DACH2: variants seen among roughly 807,000 people sequenced by gnomAD.
The protein encoded by DACH2 is dachshund family transcription factor 2.
In DACH2, 17 loss-of-function variants were observed where a neutral mutation model predicts 35.8. The observed-to-expected ratio is 0.48, with a 90% CI of 0.33 to 0.71. The LOEUF is 0.71. Ranked by LOEUF, DACH2 falls within the 30% of genes least tolerant of loss-of-function variation. The pLI is 0.02. For missense variants in DACH2, 469 were observed against 472.7 expected (o/e 0.99, Z 0.07); for synonymous variants, 195 against 177.3 (o/e 1.10, Z -0.79).
intron 2 of DACH2, among the ~76,000 whole-genome samples, chrX:86,477,847 A>G (rs2037872202): frequency 9.1e-6 from 1 of 110,172 alleles, no homozygotes; most frequent in Admixed American, 9.7e-5. Context: ...ATGTTTTTAA[A>G]TTTCAGGTAA....
chrX:86,533,708 A>G (rs1275792450), intron 3 of DACH2, among the ~76,000 whole-genome samples: 1 of 112,190 alleles, frequency 8.9e-6, no homozygotes. Context: ...TCCCCAATTT[A>G]TTAGGAGTAC....
intron 1 of DACH2, among the ~76,000 whole-genome samples, chrX:86,339,624 A>G (rs1455583960): frequency 9.0e-6 from 1 of 111,622 alleles, no homozygotes; most frequent in Non-Finnish European, 1.9e-5. Context: ...CACATAGCTA[A>G]TAAGTGGTGG....
intron 1 of DACH2, among the ~76,000 whole-genome samples, chrX:86,343,652 G>A (rs2035449890): frequency 8.9e-6 from 1 of 111,800 alleles, no homozygotes; most frequent in African/African-American, 3.2e-5. Context: ...ACCCATTAGG[G>A]TTTGAACTTA....
chrX:86,796,244 C>T (rs1343754816), intron 7 of DACH2, among the ~76,000 whole-genome samples: 1 of 111,449 alleles, frequency 9.0e-6, no homozygotes, highest in Non-Finnish European at 1.9e-5. Context: ...CTGATTGGTG[C>T]GTTTACAAAC....
At chrX:86,694,924 G>A in intron 4 of DACH2, 97 bp from the exon 5 acceptor site, 1 of 587,363 alleles carries the variant, frequency 1.7e-6, no homozygotes, top group East Asian at 4.3e-5. Flanking sequence ...AATTTCCTAA[G>A]AGGTAGTATT....
chrX:86,405,495 C>A (rs953336204), intron 2 of DACH2, among the ~76,000 whole-genome samples: 30 of 111,612 alleles, frequency 2.7e-4, no homozygotes, highest in African/African-American at 8.8e-4. Flanking sequence ...TCAGCCTGAA[C>A]CTTATTGTGC....
At chrX:86,466,618 TA>T (rs1344101086) in intron 2 of DACH2, among the ~76,000 whole-genome samples, 2 of 111,933 alleles carry the variant, frequency 1.8e-5, no homozygotes, top group East Asian at 5.6e-4. Context: ...GCCTGTAAAA[TA>T]AAAAGTAAGC....
At chrX:86,257,899 A>C (rs1396378760) in intron 1 of DACH2, among the ~76,000 whole-genome samples, 1 of 111,713 alleles carries the variant, frequency 9.0e-6, no homozygotes, top group East Asian at 2.8e-4. Flanking sequence ...GGATGGTGGA[A>C]TTTGCTCTAG....
intron 6 of DACH2, among the ~76,000 whole-genome samples, chrX:86,716,404 C>T (rs185527955): frequency 2.2e-4 from 24 of 111,511 alleles, no homozygotes; most frequent in Non-Finnish European, 4.1e-4. Context: ...TATTAAAAAG[C>T]AAACCTGGGA....
At chrX:86,584,582 A>C (rs2039544777) in intron 3 of DACH2, among the ~76,000 whole-genome samples, 1 of 111,182 alleles carries the variant, frequency 9.0e-6, no homozygotes, top group Admixed American at 9.6e-5. Context: ...TTATAATATA[A>C]GCACTTAATG....
intron 3 of DACH2, among the ~76,000 whole-genome samples, chrX:86,593,404 TTTTA>T: frequency 1.9e-5 from 1 of 52,717 alleles, no homozygotes; most frequent in East Asian, 1.0e-3. Flanking sequence ...TATTTTTTTA[TTTTA>T]TTTTATTTTA....
intron 3 of DACH2, among the ~76,000 whole-genome samples, chrX:86,634,127 G>C (rs970833342): frequency 9.0e-6 from 1 of 110,610 alleles, no homozygotes; most frequent in Admixed American, 9.7e-5. Flanking sequence ...GAAGGGGGAA[G>C]TGCCACACAC....
chrX:86,756,753 A>G (rs977080174), intron 7 of DACH2, among the ~76,000 whole-genome samples: 4 of 111,025 alleles, frequency 3.6e-5, no homozygotes, highest in African/African-American at 1.3e-4. Context: ...TGCTCTGGCT[A>G]GGATTACCAG....
At chrX:86,241,724 C>A (rs2033169420) in intron 1 of DACH2, among the ~76,000 whole-genome samples, 1 of 112,361 alleles carries the variant, frequency 8.9e-6, no homozygotes, top group African/African-American at 3.2e-5. Flanking sequence ...GGCCCTAAGG[C>A]CTAGGAGGAT....
intron 3 of DACH2, among the ~76,000 whole-genome samples, chrX:86,538,221 C>G (rs1379164575): frequency 9.0e-6 from 1 of 111,516 alleles, no homozygotes; most frequent in African/African-American, 3.3e-5. Context: ...TCTTTACTAT[C>G]CATACTTCTC....
intron 7 of DACH2, among the ~76,000 whole-genome samples, chrX:86,781,788 C>A (rs923216904): frequency 1.8e-5 from 2 of 111,380 alleles, no homozygotes; most frequent in African/African-American, 6.5e-5. Flanking sequence ...ACAAGGATGC[C>A]CACTTCACCA....
chrX:86,261,040 C>G (rs925361995), intron 1 of DACH2, among the ~76,000 whole-genome samples: 2 of 112,176 alleles, frequency 1.8e-5, no homozygotes, highest in Non-Finnish European at 3.8e-5. Context: ...ATTAAGTAGA[C>G]AGAGTTGATT....
At chrX:86,583,431 T>C (rs1237346065) in intron 3 of DACH2, among the ~76,000 whole-genome samples, 1 of 111,428 alleles carries the variant, frequency 9.0e-6, no homozygotes, top group Non-Finnish European at 1.9e-5. Context: ...GTATCTCTGT[T>C]GGCAGATATG....
intron 2 of DACH2, among the ~76,000 whole-genome samples, chrX:86,403,349 CTT>C (rs2036468233): frequency 9.0e-6 from 1 of 111,706 alleles, no homozygotes; most frequent in Non-Finnish European, 1.9e-5. Flanking sequence ...AACCAAAAAA[CTT>C]CATTAAAAAA....
Sources: allele counts gnomAD v4.1 joint callset (sites outside exome capture counted in the v4.1 genomes callset), GRCh38; gene constraint gnomAD v4.1.1; transcripts MANE v1.5; gene names NCBI Gene and HGNC (gene_info 2026-07-23, HGNC 2026-07-21).